Variants in TPRG1 observed in about 807,000 individuals in gnomAD.
The protein encoded by TPRG1 is tumor protein p63-regulated gene 1 protein.
A neutral mutation model predicts 29.3 loss-of-function variants in TPRG1; 29 were observed. The ratio of observed to expected loss-of-function variants is 0.99; its 90% CI spans 0.74 to 1.35. TPRG1 has a LOEUF of 1.35. Among genes scored for constraint, TPRG1 ranks in the 40% most tolerant of loss-of-function variants. The pLI is 0.00. For missense variants in TPRG1, 327 were observed against 335.0 expected, an observed-to-expected ratio of 0.98 and a Z score of 0.19; for synonymous variants, 130 against 116.8, an observed-to-expected ratio of 1.11 and a Z score of -0.73.
At chr3:189,254,214 G>A (rs906499921) in intron 4 of TPRG1, among the ~76,000 whole-genome samples, 2 of 152,058 alleles carry the variant, frequency 1.3e-5, no homozygotes, top group African/African-American at 4.8e-5. Flanking sequence ...GTAAGGAAGG[G>A]GTCCAGTTTC....
At chr3:189,195,415 G>C (rs1352533910) in intron 1 of TPRG1, among the ~76,000 whole-genome samples, 2 of 152,162 alleles carry the variant, frequency 1.3e-5, no homozygotes, top group Non-Finnish European at 2.9e-5. Flanking sequence ...AGAGAAAGCT[G>C]TAACAGCTGA....
intron 4 of TPRG1, among the ~76,000 whole-genome samples, chr3:189,250,405 G>C (rs75460139): frequency 0.031 from 4,600 of 148,608 alleles, 240 homozygotes; most frequent in African/African-American, 0.11. Flanking sequence ...TCGTCATTCT[G>C]CTTCATTAAC....
chr3:189,158,044 G>C (rs1017198438), intron 5 of TPRG1, among the ~76,000 whole-genome samples: 7 of 152,056 alleles, frequency 4.6e-5, no homozygotes, highest in African/African-American at 1.7e-4. Flanking sequence ...TGCTTCTCAC[G>C]GGGAGCACGT....
chr3:189,041,771 G>A (rs1277786429), intron 4 of TPRG1, among the ~76,000 whole-genome samples: 1 of 152,152 alleles, frequency 6.6e-6, no homozygotes, highest in Non-Finnish European at 1.5e-5. Context: ...AAGGGTTGGG[G>A]AAAACCCCAG....
At chr3:189,239,821 A>C (rs1026282327) in intron 4 of TPRG1, among the ~76,000 whole-genome samples, 4 of 152,190 alleles carry the variant, frequency 2.6e-5, no homozygotes, top group Admixed American at 6.5e-5. Flanking sequence ...ACTGTTTCAC[A>C]GATGTTGACA....
At chr3:189,173,472 TG>T (rs1729093389) in intron 1 of TPRG1, among the ~76,000 whole-genome samples, 1 of 151,752 alleles carries the variant, frequency 6.6e-6, no homozygotes, top group Non-Finnish European at 1.5e-5. Flanking sequence ...CCTGAGTAGC[TG>T]GGATTACAGG....
At chr3:189,319,274 C>A (rs559588835) in intron 5 of TPRG1, among the ~76,000 whole-genome samples, 1 of 152,182 alleles carries the variant, frequency 6.6e-6, no homozygotes, top group East Asian at 1.9e-4. Flanking sequence ...GTCCCAGATT[C>A]TATATCCAGT....
intron 3 of TPRG1, among the ~76,000 whole-genome samples, chr3:189,012,683 G>T (rs371584629): frequency 2.0e-5 from 3 of 152,208 alleles, no homozygotes; most frequent in African/African-American, 7.2e-5. Context: ...CTCATTATTG[G>T]TCTATTCATG....
At position 189,049,728 on chromosome 3, in the gene TPRG1, A is replaced by T. The variant is rs137880413; in HGVS notation, c.-463+25782A>T. On this transcript the variant is annotated intron_variant, in intron 4 of 10. Coordinates refer to the TPRG1 transcript ENST00000433971. ...GAGCATTAAACCACCAAAGCTAAGG[A>T]CCTTTAGGGAGTCCACTGCACCTTC... Among the ~76,000 whole-genome samples the T allele has an allele frequency of 5.5e-3, 835 of 152,268 alleles. 28 individuals carry two copies. Among genetic ancestry groups the T allele is most frequent in the Admixed American group, 0.051 (785 of 15,290 alleles).
intron 4 of TPRG1, among the ~76,000 whole-genome samples, chr3:189,047,231 G>T (rs1279501634): frequency 1.3e-5 from 2 of 152,104 alleles, no homozygotes; most frequent in Non-Finnish European, 2.9e-5. Flanking sequence ...CCACTCTACT[G>T]TCTAAAGCAA....
At chr3:189,169,747 C>T (rs551977021), upstream of TPRG1, among the ~76,000 whole-genome samples, 21 of 152,346 alleles carry the variant, frequency 1.4e-4, no homozygotes, top group African/African-American at 4.6e-4. Flanking sequence ...TTTTCTCCCT[C>T]AACAGCCCAG....
At chr3:189,080,868 A>G (rs1717546410) in intron 4 of TPRG1, among the ~76,000 whole-genome samples, 1 of 151,850 alleles carries the variant, frequency 6.6e-6, no homozygotes, top group African/African-American at 2.4e-5. Flanking sequence ...AGAAAATGGT[A>G]TTGAAGGAAG....
chr3:189,162,460 G>T (rs2108634903), intron 5 of TPRG1, among the ~76,000 whole-genome samples: 1 of 152,266 alleles, frequency 6.6e-6, no homozygotes, highest in Non-Finnish European at 1.5e-5. Context: ...TAATAATTTT[G>T]TACTCAGTTT....
chr3:189,029,322 G>C lies in TPRG1; in HGVS notation c.-463+5376G>C, dbSNP rs1713820632. On this transcript the variant is annotated intron_variant, in intron 4 of 10. Coordinates refer to the TPRG1 transcript ENST00000433971. ...AGATGCAATGTTTTATGATGTTGCT[G>C]CTTCTGATAAAAAGAGCAGGGAATA... Among the ~76,000 whole-genome samples, 4 of 152,170 alleles carry C rather than the reference G, an allele frequency of 2.6e-5. No individual in the cohort carries two copies. In the South Asian group the frequency reaches 8.3e-4, roughly 32 times the overall value.
chr3:189,046,907 C>A (rs773978435), intron 4 of TPRG1, among the ~76,000 whole-genome samples: 139 of 152,188 alleles, frequency 9.1e-4, no homozygotes, highest in Non-Finnish European at 1.7e-3. Flanking sequence ...CAACAACAAC[C>A]ACCACCAAAA....
At chr3:189,112,891 A>C (rs1720714078) in intron 1 of TPRG1, among the ~76,000 whole-genome samples, 1 of 152,172 alleles carries the variant, frequency 6.6e-6, no homozygotes, top group Non-Finnish European at 1.5e-5. Context: ...ACTTTAAAGT[A>C]GTTTTTTCCA....
chr3:189,168,996 G>A (rs1578640645), upstream of TPRG1, among the ~76,000 whole-genome samples: 1 of 152,268 alleles, frequency 6.6e-6, no homozygotes. Context: ...GTCCAGGGAG[G>A]AGACTAGCTT....
chr3:189,258,908 T>A (rs1167656993), intron 4 of TPRG1, among the ~76,000 whole-genome samples: 1 of 152,190 alleles, frequency 6.6e-6, no homozygotes, highest in Non-Finnish European at 1.5e-5. Flanking sequence ...GCAGCGAGAA[T>A]TTCAAGCCAG....
intron 2 of TPRG1, among the ~76,000 whole-genome samples, chr3:189,210,416 G>A (rs528214465): frequency 2.0e-5 from 3 of 152,226 alleles, no homozygotes; most frequent in African/African-American, 4.8e-5. Flanking sequence ...AAATGTAGAC[G>A]TGTAGGGTCT....
Sources: allele counts gnomAD v4.1 joint callset (sites outside exome capture counted in the v4.1 genomes callset), GRCh38; gene constraint gnomAD v4.1.1; transcripts MANE v1.5; gene names NCBI Gene and HGNC (gene_info 2026-07-23, HGNC 2026-07-21).